The following TRIP6 variants were observed in gnomAD, a reference collection of about 807,000 sequenced individuals.
TRIP6 encodes thyroid hormone receptor interactor 6, also known as thyroid receptor-interacting protein 6.
A neutral mutation model predicts 51.9 loss-of-function variants in TRIP6; 33 were observed. The observed-to-expected ratio is 0.64, with a 90% CI of 0.48 to 0.85. The LOEUF is 0.85. TRIP6 is among the 40% of genes least tolerant of loss of function. The pLI is 0.00. For synonymous variants in TRIP6, 255 were observed against 275.8 expected (o/e 0.92, Z 0.75); for missense variants, 661 against 652.1 (o/e 1.01, Z -0.15).
chr7:100,868,851 C>G lies in TRIP6; in HGVS notation c.720C>G (p.Gly240=), dbSNP rs370303544. ...GCCCTGCAGGAAGAGGAAGAGGAGG[C>G]GAGCACGGGCCCCAGGTGAGCCCTG... The part of the protein sequence containing the change: ...VSGPAGRGRG[G]EHGPQVPLSQ... The change falls in exon 4 of 9, where the codon GGC becomes GGG. Residue 240 remains glycine, a synonymous_variant. Coordinates refer to ENST00000200457, the MANE Select transcript of TRIP6 (RefSeq NM_003302.3). 2.0e-6 allele frequency: 3 copies of G among 1,511,602 alleles called. No individual in the cohort carries two copies. The highest frequency in any genetic ancestry group is 1.4e-5 in the African/African-American group (1 of 70,778). 93.6% of individuals were successfully genotyped at this position (1,511,602 alleles called of 1,614,324 possible).
At chr7:100,871,434 G>A (rs1815265318) in intron 6 of TRIP6, 109 bp from the exon 7 acceptor site, 1 of 1,039,078 alleles carries the variant, frequency 9.6e-7, no homozygotes, top group Non-Finnish European at 1.4e-6. Flanking sequence ...ACATGCAGGA[G>A]GCTGCATGCA....
Position 100,867,458 on chromosome 7 carries a change from G to T in TRIP6, c.-40G>T. ...AGAGGGGGTGAAGGCCAGAGGCTCGGGGCTTCAAGACCGCTGTCTGGAGTC... is the reference window on the plus strand; with the variant it reads ...AGAGGGGGTGAAGGCCAGAGGCTCGTGGCTTCAAGACCGCTGTCTGGAGTC... On this transcript the variant is annotated 5_prime_UTR_variant, in exon 1 of 9. Coordinates refer to ENST00000200457, the MANE Select transcript of TRIP6 (RefSeq NM_003302.3). The surrounding 1 kb of genome is among the most constrained non-coding windows in gnomAD (Gnocchi z 5.4). 7.3e-7 allele frequency: 1 copy of T among 1,372,500 alleles called. No homozygotes were observed. The allele number at this position is 1,372,500 out of a possible 1,614,324, so 85.0% of individuals were successfully genotyped here. A position where few individuals can be genotyped will look rare whatever the true frequency, so the allele number is the denominator to read the frequency against.
chr7:100,871,968 TGG>T (rs1815281732), intron 7 of TRIP6, among the ~76,000 whole-genome samples: 2 of 151,654 alleles, frequency 1.3e-5, no homozygotes, highest in South Asian at 4.2e-4. Flanking sequence ...CCTGAGTAGC[TGG>T]GACTACGGGT....
At chr7:100,870,527 G>A (rs1815246239) in intron 5 of TRIP6, 47 bp from the exon 6 acceptor site, 1 of 1,607,026 alleles carries the variant, frequency 6.2e-7, no homozygotes, top group Non-Finnish European at 8.5e-7. Flanking sequence ...AGGGGACAGT[G>A]GCTTCCTGGG....
Position 100,868,874 on chromosome 7 carries a change from C to T in TRIP6, c.735+8C>T. On this transcript the variant is annotated splice_region_variant and intron_variant, in intron 4 of 8. Coordinates refer to ENST00000200457, the MANE Select transcript of TRIP6 (RefSeq NM_003302.3). ...GGCGAGCACGGGCCCCAGGTGAGCCCTGGGGAACTGGGATTTCAGGCCCTA... is the reference window on the plus strand; with the variant it reads ...GGCGAGCACGGGCCCCAGGTGAGCCTTGGGGAACTGGGATTTCAGGCCCTA... 1 of 1,491,796 alleles carries T rather than the reference C, an allele frequency of 6.7e-7. No homozygotes were observed. Among genetic ancestry groups the T allele is most frequent in the Non-Finnish European group, 8.9e-7 (1 of 1,124,766 alleles). The allele number at this position is 1,491,796 out of a possible 1,614,324, so 92.4% of individuals were successfully genotyped here.
At chr7:100,871,969 G>C (rs1468597873) in intron 7 of TRIP6, among the ~76,000 whole-genome samples, 3 of 151,836 alleles carry the variant, frequency 2.0e-5, no homozygotes, top group Non-Finnish European at 2.9e-5. Context: ...CTGAGTAGCT[G>C]GGACTACGGG....
At position 100,868,505 on chromosome 7, in the gene TRIP6, C is replaced by T; in HGVS notation, c.374C>T (p.Pro125Leu). 6.2e-7 allele frequency: 1 copy of T among 1,613,066 alleles called. No homozygotes were observed. Among genetic ancestry groups the T allele is most frequent in the African/African-American group, 1.3e-5 (1 of 75,048 alleles). The change falls in exon 4 of 9, where the codon CCC becomes CTC. Residue 125 changes from proline to leucine, a missense_variant. Physicochemically the swap from Pro to Leu is moderately conservative, Grantham distance 98. Transcript: ENST00000200457. Reference protein sequence around the residue: ...SRRPDRQAYEPPPPPAYRTGS... With the variant: ...SRRPDRQAYELPPPPAYRTGS... ...TGCGTTTCTCCTCAGGCATATGAGC[C>T]CCCGCCACCTCCTGCCTACCGCACG...
intron 8 of TRIP6, 75 bp downstream of exon 8, chr7:100,872,819 G>T: frequency 6.4e-7 from 1 of 1,556,168 alleles, no homozygotes; most frequent in Non-Finnish European, 8.7e-7. Context: ...GGAACACAGA[G>T]GTCTGGGGTT....
In TRIP6 at chr7:100,867,690, GC is replaced by G. The variant is rs1815170871; in HGVS notation, c.109+85del. ...ACCGCTCCAGCCTCCCGCCCTGGCT[GC>G]TTCCTCCTGCCCCTTCCCCAAGCCG... On this transcript the variant is annotated intron_variant, in intron 1 of 8. Coordinates refer to ENST00000200457, the MANE Select transcript of TRIP6 (RefSeq NM_003302.3). This position sits in a 1 kb window ranked among gnomAD's most constrained non-coding sequence, Gnocchi z 5.4. 3 of 1,557,426 alleles carry G rather than the reference GC, an allele frequency of 1.9e-6. No homozygotes were observed. In the African/African-American group the frequency reaches 4.1e-5, roughly 21 times the overall value.
Position 100,868,237 on chromosome 7 carries a change from ACT to A in TRIP6, c.363+7_363+8del. ...GTCACGGCGACCAGACCGACAGGTG[ACT>A]CTGCCCCTCCTCCCCGTCAGCACCC... On this transcript the variant is annotated splice_donor_5th_base_variant and intron_variant, in intron 3 of 8. Coordinates refer to ENST00000200457, the MANE Select transcript of TRIP6 (RefSeq NM_003302.3). 6.2e-7 allele frequency: 1 copy of A among 1,605,530 alleles called. No individual in the cohort carries two copies.
Position 100,868,537 on chromosome 7 carries a change from C to T in TRIP6, c.406C>T (p.Leu136=). The T allele has an allele frequency of 6.2e-7, 1 of 1,613,096 alleles. No individual in the cohort carries two copies. Among genetic ancestry groups the T allele is most frequent in the Non-Finnish European group, 8.5e-7 (1 of 1,180,016 alleles). The change falls in exon 4 of 9, where the codon CTG becomes TTG. Residue 136 remains leucine (L), a synonymous_variant. Coordinates refer to ENST00000200457, the MANE Select transcript of TRIP6 (RefSeq NM_003302.3). ...ACCTCCTGCCTACCGCACGGGCTCC[C>T]TGAAGCCAAATCCAGCCTCGCCGCT... ...PPPPAYRTGS[L]KPNPASPLPA...
chr7:100,873,027 T>C (rs1324854007), intron 8 of TRIP6, 145 bp from the exon 9 acceptor site: 4 of 1,262,050 alleles, frequency 3.2e-6, no homozygotes, highest in Non-Finnish European at 4.2e-6. Flanking sequence ...ATTTTTGTAT[T>C]TTTAGTAGAG....
intron 7 of TRIP6, among the ~76,000 whole-genome samples, chr7:100,872,181 G>GTTTTTTTTTTTTTT (rs34239953): frequency 4.5e-4 from 43 of 95,584 alleles, no homozygotes; most frequent in Non-Finnish European, 5.5e-4. Flanking sequence ...CGCCTGGCTA[G>GTTTTTTTTTTTTTT]TTTTTTTTTT....
chr7:100,871,185 C>G, intron 6 of TRIP6: 1 of 448,178 alleles, frequency 2.2e-6, no homozygotes, highest in South Asian at 1.8e-5. Flanking sequence ...CAGGTGCCCA[C>G]CACCACACCC....
chr7:100,868,312 T>C, intron 3 of TRIP6, 79 bp downstream of exon 3: 1 of 1,570,808 alleles, frequency 6.4e-7, no homozygotes, highest in Non-Finnish European at 8.6e-7. Flanking sequence ...ATCCCCCATG[T>C]GTGTAATGTG....
At position 100,872,653 on chromosome 7, in the gene TRIP6, G is replaced by A; in HGVS notation, c.1208G>A (p.Gly403Asp). ...TTTGCCCCAAGATGCTCAGTGTGCG[G>A]TGGGGCCATAATGCCTGAGCCAGGT... Reference protein sequence around the residue: ...RKFAPRCSVCGGAIMPEPGQE... With the variant: ...RKFAPRCSVCDGAIMPEPGQE... Residue 403 changes from glycine to aspartate, a missense_variant, in exon 8 of 9, where the codon GGT becomes GAT. Transcript: ENST00000200457. 1 of 1,614,104 alleles carries A rather than the reference G, an allele frequency of 6.2e-7. No homozygotes were observed. Among genetic ancestry groups the A allele is most frequent in the Non-Finnish European group, 8.5e-7 (1 of 1,179,980 alleles).
At chr7:100,872,588 A>G (rs1476378931) in intron 7 of TRIP6, 36 bp from the exon 8 acceptor site, 1 of 1,612,400 alleles carries the variant, frequency 6.2e-7, no homozygotes, top group African/African-American at 1.3e-5. Flanking sequence ...TGCAACCCCA[A>G]GGCTTGATGG....
chr7:100,873,131 G>A (rs1177955530), intron 8 of TRIP6, 41 bp from the exon 9 acceptor site: 3 of 1,596,314 alleles, frequency 1.9e-6, no homozygotes, highest in Admixed American at 1.7e-5. Flanking sequence ...TTACAGGCGT[G>A]AGCCATCGCG....
In TRIP6 at chr7:100,870,365, T is replaced by G; in HGVS notation, c.736-5T>G. The G allele has an allele frequency of 6.2e-7, 1 of 1,611,444 alleles. No individual in the cohort carries two copies. Among genetic ancestry groups the G allele is most frequent in the Non-Finnish European group, 8.5e-7 (1 of 1,179,696 alleles). On this transcript the variant is annotated splice_region_variant and splice_polypyrimidine_tract_variant and intron_variant, in intron 4 of 8. Coordinates refer to ENST00000200457, the MANE Select transcript of TRIP6 (RefSeq NM_003302.3). Reference sequence around the variant, plus strand: ...GTAGGACCGAGCCCGATTCCCACCTTCCAGGTGCCCCTGAGCCAGCCTCCA... The same window carrying G: ...GTAGGACCGAGCCCGATTCCCACCTGCCAGGTGCCCCTGAGCCAGCCTCCA...
Sources: allele counts gnomAD v4.1 joint callset (sites outside exome capture counted in the v4.1 genomes callset), GRCh38; gene constraint gnomAD v4.1.1; non-coding constraint Gnocchi (gnomAD v3.1); transcripts MANE v1.5; gene names NCBI Gene and HGNC (gene_info 2026-07-23, HGNC 2026-07-21).